The following ANK3 variants were observed in gnomAD, a reference collection of about 807,000 sequenced individuals.
ANK3 encodes ankyrin-3.
Under a neutral mutation model 370.9 loss-of-function variants are expected in ANK3, and 57 were observed. The ratio of observed to expected loss-of-function variants is 0.15; its 90% CI spans 0.12 to 0.19. The LOEUF (loss-of-function observed/expected upper bound fraction) is 0.19, where lower values mean the gene tolerates loss of function less well. ANK3 is among the 10% of genes least tolerant of loss of function. The pLI is 1.00. For missense variants in ANK3, 4,439 were observed against 5,302.1 expected, an observed-to-expected ratio of 0.84 and a Z score of 5.06; for synonymous variants, 1,929 against 1,946.3, an observed-to-expected ratio of 0.99 and a Z score of 0.23.
intron 1 of ANK3, among the ~76,000 whole-genome samples, chr10:60,733,103 G>A (rs7909648): frequency 0.15 from 22,715 of 151,754 alleles, 2,022 homozygotes; most frequent in East Asian, 0.27. Flanking sequence ...GCAGGAACCG[G>A]GTCCCCTCCA....
intron 25 of ANK3, among the ~76,000 whole-genome samples, chr10:60,115,080 G>A (rs2092992603): frequency 6.6e-6 from 1 of 152,200 alleles, no homozygotes; most frequent in Non-Finnish European, 1.5e-5. Context: ...TGCAGAACAG[G>A]AAGCTCAAAA....
chr10:60,140,922 C>T, intron 23 of ANK3: 6 of 985,654 alleles, frequency 6.1e-6, no homozygotes, highest in Non-Finnish European at 7.2e-6. Flanking sequence ...AACAGCCAAC[C>T]CAGGTAGAGG....
chr10:60,046,769 A>C (rs2077033810), intron 42 of ANK3, among the ~76,000 whole-genome samples: 2 of 151,654 alleles, frequency 1.3e-5, no homozygotes. Flanking sequence ...CCTAAGAGAG[A>C]GCTCTAAGGC....
At position 60,109,025 on chromosome 10, in the gene ANK3, C is replaced by G. The variant is rs768847505; in HGVS notation, c.2978G>C (p.Arg993Thr). The change falls in exon 27 of 44, where the codon AGA (arginine) becomes ACA (threonine). Residue 993 changes from arginine (R) to threonine (T), a missense_variant. Physicochemically the swap from Arg to Thr is moderately conservative, Grantham distance 71. Coordinates refer to ENST00000280772, the MANE Select transcript of ANK3 (RefSeq NM_020987.5). ...GFLVSFMVDA[R>T]GGSMRGSRHH... ...ACGGCTTCCTCTCATGGAGCCCCCTCTCGCGTCCACCATAAAGCTAACCAG... is the reference window on the plus strand; with the variant it reads ...ACGGCTTCCTCTCATGGAGCCCCCTGTCGCGTCCACCATAAAGCTAACCAG... 1.2e-6 allele frequency: 2 copies of G among 1,613,388 alleles called. No individual in the cohort carries two copies. Among genetic ancestry groups the G allele is most frequent in the African/African-American group, 2.7e-5 (2 of 74,876 alleles).
At chr10:60,264,167 G>T in intron 5 of ANK3, 147 bp from the exon 6 acceptor site, 2 of 621,926 alleles carry the variant, frequency 3.2e-6, no homozygotes, top group Non-Finnish European at 5.3e-6. Flanking sequence ...GGACAGAAAT[G>T]TGAAAGATAT....
In ANK3 at chr10:60,105,896, C is replaced by T; in HGVS notation, c.3328+9G>A. On this transcript the variant is annotated intron_variant, in intron 28 of 43. Transcript: ENST00000280772. ...GACATTTACAGAACCAAGGAGCCAT[C>T]ATTATTACCTTCATCCATGCCATTA... The T allele has an allele frequency of 1.3e-6, 2 of 1,599,732 alleles. No individual in the cohort carries two copies. The highest frequency in any genetic ancestry group is 8.5e-7 in the Non-Finnish European group (1 of 1,174,470).
intron 1 of ANK3, among the ~76,000 whole-genome samples, chr10:60,627,088 T>TA (rs2078421724): frequency 1.3e-5 from 2 of 151,802 alleles, no homozygotes; most frequent in East Asian, 1.9e-4. Flanking sequence ...AAGTAGTGAA[T>TA]AAAAAATAGT....
In ANK3 at chr10:60,044,441, A is replaced by G. The variant is rs1360319017; in HGVS notation, c.13066-1682T>C. The G allele has an allele frequency of 5.9e-6, 4 of 672,400 alleles. No individual in the cohort carries two copies. In the Admixed American group the frequency reaches 1.9e-4, roughly 32 times the overall value. The allele number at this position is 672,400 out of a possible 1,614,324, so 41.7% of individuals were successfully genotyped here. A position where few individuals can be genotyped will look rare whatever the true frequency, so the allele number is the denominator to read the frequency against. On this transcript the variant is annotated intron_variant, in intron 42 of 43. Coordinates refer to ENST00000280772, the MANE Select transcript of ANK3 (RefSeq NM_020987.5). ...ACACACATGCTCTGGAATTTTAGAG[A>G]AATAAGTTGTAAATTCTACTTGCTA...
In ANK3 at chr10:60,460,573, T is replaced by C. The variant is rs78287993; in HGVS notation, c.96+154613A>G. Reference sequence around the variant, plus strand: ...ACCTCAATGTATTATTTATTTTGTGTCATTTTATATCTGAATTTATGTTAA... The same window carrying C: ...ACCTCAATGTATTATTTATTTTGTGCCATTTTATATCTGAATTTATGTTAA... On this transcript the variant is annotated intron_variant, in intron 2 of 43. Coordinates refer to the ANK3 transcript ENST00000373827. Among the ~76,000 whole-genome samples the C allele has an allele frequency of 3.3e-5, 5 of 152,272 alleles. No homozygotes were observed. In the East Asian group the frequency reaches 9.6e-4, roughly 29 times the overall value.
intron 1 of ANK3, among the ~76,000 whole-genome samples, chr10:60,333,098 C>T (rs907638617): frequency 1.8e-4 from 27 of 152,022 alleles, no homozygotes; most frequent in African/African-American, 6.5e-4. Flanking sequence ...TAAAATGGGA[C>T]ATATGGATAT....
intron 1 of ANK3, among the ~76,000 whole-genome samples, chr10:60,368,417 C>T (rs1390136962): frequency 6.6e-6 from 1 of 152,136 alleles, no homozygotes; most frequent in Non-Finnish European, 1.5e-5. Context: ...CCAAGGCAAA[C>T]ATTGCTTCTC....
intron 4 of ANK3, among the ~76,000 whole-genome samples, chr10:60,278,078 G>T (rs914906478): frequency 2.0e-5 from 3 of 152,062 alleles, no homozygotes; most frequent in Non-Finnish European, 4.4e-5. Context: ...TAACCTATTG[G>T]TGTTCCTCTT....
chr10:60,318,507 T>C (rs2047939441), intron 1 of ANK3, among the ~76,000 whole-genome samples: 2 of 152,226 alleles, frequency 1.3e-5, no homozygotes, highest in South Asian at 4.1e-4. Flanking sequence ...ACATCCTTCA[T>C]GACCACATAC....
chr10:60,361,616 T>C (rs2058620777), intron 1 of ANK3, among the ~76,000 whole-genome samples: 1 of 152,198 alleles, frequency 6.6e-6, no homozygotes, highest in South Asian at 2.1e-4. Context: ...GGCAGGAGTT[T>C]GTAGTCAGGG....
intron 40 of ANK3, 61 bp downstream of exon 40, chr10:60,063,050 C>G (rs887602847): frequency 6.6e-7 from 1 of 1,519,252 alleles, no homozygotes; most frequent in Non-Finnish European, 8.9e-7. Flanking sequence ...ACTGCCTTGT[C>G]TGACTGCACT....
intron 1 of ANK3, among the ~76,000 whole-genome samples, chr10:60,332,956 T>C (rs1217812852): frequency 6.6e-6 from 1 of 152,198 alleles, no homozygotes; most frequent in Non-Finnish European, 1.5e-5. Flanking sequence ...AAGCAAATTT[T>C]AGGCTAATTA....
At chr10:60,264,917 A>T (rs1027120140) in intron 5 of ANK3, among the ~76,000 whole-genome samples, 2 of 152,138 alleles carry the variant, frequency 1.3e-5, no homozygotes, top group African/African-American at 4.8e-5. Flanking sequence ...AGAGAAGACA[A>T]CACAAAGATC....
intron 1 of ANK3, among the ~76,000 whole-genome samples, chr10:60,341,905 C>G (rs1265112641): frequency 6.6e-6 from 1 of 151,408 alleles, no homozygotes; most frequent in African/African-American, 2.4e-5. Context: ...TGTCATCTTC[C>G]CAAAAAAAAG....
chr10:60,729,393 A>C (rs1027188128), intron 1 of ANK3, among the ~76,000 whole-genome samples: 2 of 152,216 alleles, frequency 1.3e-5, no homozygotes, highest in African/African-American at 4.8e-5. Context: ...CATAATAGCT[A>C]CCAATAAATC....
Sources: gnomAD v4.1 joint callset for allele counts (sites outside exome capture counted in the v4.1 genomes callset) on GRCh38, gnomAD v4.1.1 for gene constraint, MANE v1.5 for transcripts, NCBI Gene and HGNC (gene_info 2026-07-23, HGNC 2026-07-21) for gene names.